GRID1: variants seen among roughly 807,000 people sequenced by gnomAD.
The protein encoded by GRID1 is glutamate receptor ionotropic, delta-1.
Under a neutral mutation model 98.0 loss-of-function variants are expected in GRID1, and 28 were observed. That is an observed-to-expected ratio of 0.29 (90% confidence interval 0.21 to 0.39). The LOEUF is 0.39. Ranked by LOEUF, GRID1 falls within the 10% of genes least tolerant of loss-of-function variation. GRID1 has a pLI of 1.00. For missense variants in GRID1, 1,111 were observed against 1,340.5 expected (o/e 0.83, Z 2.67); for synonymous variants, 553 against 538.5 (o/e 1.03, Z -0.37).
At chr10:85,825,046 G>GA (rs1246631692) in intron 8 of GRID1, among the ~76,000 whole-genome samples, 10 of 151,686 alleles carry the variant, frequency 6.6e-5, no homozygotes, top group South Asian at 4.2e-4. Flanking sequence ...TTTCCCTTTG[G>GA]AAAAAAAATC....
chr10:85,775,558 C>A (rs1311534792), intron 8 of GRID1, among the ~76,000 whole-genome samples: 1 of 152,074 alleles, frequency 6.6e-6, no homozygotes, highest in Non-Finnish European at 1.5e-5. Context: ...GGGAGAGTGG[C>A]AAGTGTTGCA....
chr10:86,271,627 A>C (rs2132061761), intron 2 of GRID1, among the ~76,000 whole-genome samples: 1 of 152,388 alleles, frequency 6.6e-6, no homozygotes, highest in Middle Eastern at 3.4e-3. Flanking sequence ...TGTGAGATTT[A>C]AAAAATAAAC....
At chr10:85,606,723 T>C (rs1231858255) in intron 15 of GRID1, 1 of 152,050 alleles carries the variant, frequency 6.6e-6, no homozygotes, top group African/African-American at 2.4e-5. Context: ...TCCTTCTGTG[T>C]CTCCAGCCAA....
intron 2 of GRID1, among the ~76,000 whole-genome samples, chr10:86,210,130 G>A (rs1253195829): frequency 1.3e-5 from 2 of 152,174 alleles, no homozygotes; most frequent in Admixed American, 6.5e-5. Flanking sequence ...ACACAGAGGA[G>A]GGTAAATTCA....
intron 8 of GRID1, among the ~76,000 whole-genome samples, chr10:85,740,945 C>T (rs1436883131): frequency 4.0e-5 from 6 of 151,860 alleles, no homozygotes; most frequent in African/African-American, 9.7e-5. Flanking sequence ...GTAGTGACTG[C>T]GTTTCACCAT....
chr10:86,357,584 G>A (rs1848549478), intron 2 of GRID1, among the ~76,000 whole-genome samples: 1 of 152,236 alleles, frequency 6.6e-6, no homozygotes, highest in Non-Finnish European at 1.5e-5. Context: ...GTGCACGTGT[G>A]TGTGCTCTTG....
chr10:86,205,301 C>T (rs1473758160), intron 3 of GRID1, among the ~76,000 whole-genome samples: 1 of 152,192 alleles, frequency 6.6e-6, no homozygotes, highest in African/African-American at 2.4e-5. Context: ...TGGCACCAGC[C>T]GTGGGGCTGC....
chr10:85,603,483 A>G (rs1842612659), intron 15 of GRID1, among the ~76,000 whole-genome samples: 1 of 152,272 alleles, frequency 6.6e-6, no homozygotes, highest in South Asian at 2.1e-4. Context: ...GTGATATCAC[A>G]GGAAATTACT....
At chr10:85,968,437 C>T (rs998529491) in intron 4 of GRID1, among the ~76,000 whole-genome samples, 1 of 111,154 alleles carries the variant, frequency 9.0e-6, no homozygotes, top group African/African-American at 3.8e-5. Flanking sequence ...GACGACACAG[C>T]AAGACTCTGT....
At chr10:85,782,208 C>A (rs1411784930) in intron 8 of GRID1, among the ~76,000 whole-genome samples, 1 of 152,050 alleles carries the variant, frequency 6.6e-6, no homozygotes, top group African/African-American at 2.4e-5. Context: ...GACCCTCAGA[C>A]AAGAAATGTG....
At chr10:85,842,585 C>T (rs1046946155) in intron 8 of GRID1, among the ~76,000 whole-genome samples, 1 of 151,926 alleles carries the variant, frequency 6.6e-6, no homozygotes, top group Non-Finnish European at 1.5e-5. Context: ...ATTACAGATG[C>T]TATAGCCATT....
intron 5 of GRID1, among the ~76,000 whole-genome samples, chr10:85,882,197 T>C (rs1355721597): frequency 6.6e-6 from 1 of 152,188 alleles, no homozygotes; most frequent in African/African-American, 2.4e-5. Flanking sequence ...AGTTCAACCA[T>C]TGTGGAAGTC....
intron 3 of GRID1, among the ~76,000 whole-genome samples, chr10:86,190,444 T>A (rs1227456058): frequency 6.6e-6 from 1 of 152,194 alleles, no homozygotes; most frequent in Non-Finnish European, 1.5e-5. Context: ...CTGGCTGTGC[T>A]GGTGTCAGGG....
At chr10:85,772,199 G>T (rs1842277017) in intron 8 of GRID1, among the ~76,000 whole-genome samples, 1 of 152,076 alleles carries the variant, frequency 6.6e-6, no homozygotes, top group African/African-American at 2.4e-5. Context: ...CATGGAAACT[G>T]AACAACCTGC....
intron 4 of GRID1, among the ~76,000 whole-genome samples, chr10:86,053,886 A>G (rs1843538446): frequency 6.6e-6 from 1 of 152,164 alleles, no homozygotes; most frequent in Non-Finnish European, 1.5e-5. Flanking sequence ...ACACGTGTGC[A>G]CACATGCACA....
At chr10:85,806,555 A>T (rs1007700440) in intron 8 of GRID1, among the ~76,000 whole-genome samples, 5 of 152,322 alleles carry the variant, frequency 3.3e-5, no homozygotes, top group African/African-American at 1.2e-4. Flanking sequence ...TTTGGAAAAA[A>T]AAACAAATTT....
chr10:85,760,768 C>T (rs1842139909), intron 8 of GRID1, among the ~76,000 whole-genome samples: 1 of 152,284 alleles, frequency 6.6e-6, no homozygotes, highest in Admixed American at 6.5e-5. Context: ...GAGAATTATG[C>T]CTGGATTTCC....
At chr10:85,726,234 AT>A (rs112297328) in intron 10 of GRID1, among the ~76,000 whole-genome samples, 10,996 of 145,824 alleles carry the variant, frequency 0.075, 711 homozygotes, top group African/African-American at 0.18. Flanking sequence ...AAGTACAATC[AT>A]TTTTTTTTTT....
intron 2 of GRID1, among the ~76,000 whole-genome samples, chr10:86,342,047 C>G (rs1848318013): frequency 6.6e-6 from 1 of 152,174 alleles, no homozygotes; most frequent in Admixed American, 6.5e-5. Context: ...TCACCCTGGG[C>G]CCCTCCAACT....
Sources: gnomAD v4.1 joint callset for allele counts (sites outside exome capture counted in the v4.1 genomes callset) on GRCh38, gnomAD v4.1.1 for gene constraint, MANE v1.5 for transcripts, NCBI Gene and HGNC (gene_info 2026-07-23, HGNC 2026-07-21) for gene names.